Variants in NOX3 observed in about 807,000 individuals in gnomAD.
The protein encoded by NOX3 is NADPH oxidase 3.
NOX3 carries 74 observed loss-of-function variants against 76.7 expected under a neutral mutation model. The observed-to-expected ratio is 0.96, with a 90% confidence interval of 0.80 to 1.17. The LOEUF is 1.17. NOX3 is among the 50% of genes most tolerant of loss of function. The probability of loss-of-function intolerance (pLI) is 0.00; values close to 1 mark genes in which losing one functional copy is unlikely to be tolerated. For missense variants in NOX3, 695 were observed against 703.3 expected (o/e 0.99, Z 0.13); for synonymous variants, 263 against 261.1 (o/e 1.01, Z -0.07).
chr6:155,408,044 T>C (rs940488272), intron 11 of NOX3, among the ~76,000 whole-genome samples: 23 of 152,224 alleles, frequency 1.5e-4, no homozygotes, highest in Admixed American at 5.9e-4. Context: ...AGTGGCGTGA[T>C]CTCGGTTCAC....
At chr6:155,432,297 T>C (rs1321048403) in intron 7 of NOX3, among the ~76,000 whole-genome samples, 3 of 151,896 alleles carry the variant, frequency 2.0e-5, no homozygotes, top group Non-Finnish European at 4.4e-5. Context: ...CTGGAGAGTC[T>C]GAGGTGGACC....
chr6:155,407,439 A>T (rs770911443), intron 11 of NOX3, among the ~76,000 whole-genome samples, 185 bp from the exon 12 acceptor site: 14 of 152,240 alleles, frequency 9.2e-5, no homozygotes, highest in Non-Finnish European at 1.5e-4. Flanking sequence ...TATCTCATTT[A>T]TGTCTGAATC....
intron 4 of NOX3, among the ~76,000 whole-genome samples, chr6:155,450,241 G>T (rs1777116779): frequency 6.6e-6 from 1 of 152,186 alleles, no homozygotes; most frequent in South Asian, 2.1e-4. Flanking sequence ...TGTCTCCAGG[G>T]ATGTGTGAGG....
intron 10 of NOX3, among the ~76,000 whole-genome samples, chr6:155,412,457 A>T (rs1776563575): frequency 6.6e-6 from 1 of 152,232 alleles, no homozygotes; most frequent in Non-Finnish European, 1.5e-5. Flanking sequence ...AATATTAATT[A>T]TTTGTAAGAG....
intron 12 of NOX3, among the ~76,000 whole-genome samples, chr6:155,405,419 C>T (rs1352901951): frequency 6.6e-6 from 1 of 152,178 alleles, no homozygotes; most frequent in East Asian, 1.9e-4. Flanking sequence ...GAACTCTTGT[C>T]CATCTATATC....
At chr6:155,422,171 C>A (rs765800705) in intron 10 of NOX3, among the ~76,000 whole-genome samples, 1 of 151,996 alleles carries the variant, frequency 6.6e-6, no homozygotes, top group Non-Finnish European at 1.5e-5. Flanking sequence ...CGACAAAGGA[C>A]GGAAAGAAAT....
chr6:155,443,215 A>AGGACT, intron 5 of NOX3, 58 bp downstream of exon 5: 1 of 1,547,104 alleles, frequency 6.5e-7, no homozygotes. Flanking sequence ...TCCTGATTAG[A>AGGACT]GGACTGGAAA....
rs367700283 is a variant in NOX3, at chr6:155,422,718, T to C, written c.1284A>G (p.Ala428=). ...LKSIWYKCSE[A]QTPLKLSKVY... ...CCTTGCTCAGCTTCAGTGGGGTCTG[T>C]GCCTCACTGCATTTGTACCATATAG... Residue 428 remains alanine (A), a synonymous_variant, in exon 10 of 14, where the codon GCA becomes GCG. Coordinates refer to ENST00000159060, the MANE Select transcript of NOX3 (RefSeq NM_015718.3). 9.9e-6 allele frequency: 16 copies of C among 1,614,060 alleles called. No individual in the cohort carries two copies. Among genetic ancestry groups the C allele is most frequent in the Non-Finnish European group, 1.4e-5 (16 of 1,180,002 alleles).
chr6:155,396,249 G>A (rs1355595575), intron 13 of NOX3, among the ~76,000 whole-genome samples: 1 of 152,202 alleles, frequency 6.6e-6, no homozygotes, highest in African/African-American at 2.4e-5. Context: ...ACCTCCATTG[G>A]TGATTTCTCC....
intron 10 of NOX3, among the ~76,000 whole-genome samples, chr6:155,414,623 C>CT (rs72348061): frequency 0.02 from 2,280 of 113,562 alleles, 78 homozygotes; most frequent in African/African-American, 0.046. Flanking sequence ...TCTTTTCTTT[C>CT]TTTTTTTTTT....
In NOX3 at chr6:155,454,662, CTG is replaced by C. The variant is rs1343560958; in HGVS notation, c.255+147_255+148del. The C allele has an allele frequency of 3.6e-5, 20 of 561,348 alleles. 1 individual carries two copies. In the Middle Eastern group the frequency reaches 1.8e-3, roughly 50 times the overall value. 34.8% of individuals were successfully genotyped at this position (561,348 alleles called of 1,614,324 possible). The stretch of plus-strand genomic sequence containing the variant: ...GATAGATGTACTGATTACCGTTTTT[CTG>C]TCTTAGCCTTTCTGTTATCTCTAAC... On this transcript the variant is annotated intron_variant, in intron 3 of 13. Transcript: ENST00000159060.
chr6:155,410,802 TA>T (rs1776536272), intron 11 of NOX3, among the ~76,000 whole-genome samples: 1 of 152,192 alleles, frequency 6.6e-6, no homozygotes, highest in South Asian at 2.1e-4. Flanking sequence ...ATGTTGAATG[TA>T]AACACCTAGG....
intron 12 of NOX3, among the ~76,000 whole-genome samples, chr6:155,400,236 G>A (rs1047316326): frequency 2.0e-5 from 3 of 152,116 alleles, no homozygotes; most frequent in Non-Finnish European, 4.4e-5. Context: ...GTGTGGGTGC[G>A]CCCGGGAGTG....
At position 155,440,031 on chromosome 6, in the gene NOX3, G is replaced by C; in HGVS notation, c.593C>G (p.Ala198Gly). 1 of 1,614,004 alleles carries C rather than the reference G, an allele frequency of 6.2e-7. No individual in the cohort carries two copies. Among genetic ancestry groups the C allele is most frequent in the Non-Finnish European group, 8.5e-7 (1 of 1,179,950 alleles). The stretch of plus-strand genomic sequence containing the variant: ...TGTGTACCAGAACAACTCATAGGAG[G>C]CCTGTCTGATGAACTCAGTTGACGA... Reference protein sequence around the residue: ...MTSSTEFIRQASYELFWYTHH... With the variant: ...MTSSTEFIRQGSYELFWYTHH... The change falls in exon 6 of 14, where the codon GCC becomes GGC. Residue 198 changes from alanine (A) to glycine (G), a missense_variant. Ala to Gly is a moderately conservative substitution (Grantham distance 60). Coordinates refer to ENST00000159060, the MANE Select transcript of NOX3 (RefSeq NM_015718.3).
At chr6:155,410,643 C>G (rs1776530097) in intron 11 of NOX3, among the ~76,000 whole-genome samples, 1 of 152,102 alleles carries the variant, frequency 6.6e-6, no homozygotes, top group Non-Finnish European at 1.5e-5. Context: ...CTGCAGAACA[C>G]CTGCCAAAAC....
At chr6:155,429,113 A>C in intron 8 of NOX3, 66 bp from the exon 9 acceptor site, 2 of 1,413,476 alleles carry the variant, frequency 1.4e-6, no homozygotes, top group Admixed American at 2.5e-5. Context: ...CTTTCATTCC[A>C]TCAAAGGTGT....
intron 9 of NOX3, among the ~76,000 whole-genome samples, chr6:155,425,243 A>G (rs1776741793): frequency 6.6e-6 from 1 of 152,184 alleles, no homozygotes. Flanking sequence ...CATAGCTATC[A>G]TGACATCCCA....
rs761833570 is a variant in NOX3, at chr6:155,411,221, TCATCC to T, written c.1443_1447del (p.Trp481Ter). The T allele has an allele frequency of 1.5e-5, 25 of 1,613,712 alleles. No homozygotes were observed. Among genetic ancestry groups the T allele is most frequent in the Non-Finnish European group, 1.9e-5 (23 of 1,179,796 alleles). ...TCAGAGTCTTATCAGTACCTGATTT[TCATCC>T]CAGCCGGTAAGAAATATATGATAAC... is the stretch of plus-strand genomic sequence containing the variant. On this transcript the variant is annotated stop_gained and frameshift_variant, in exon 11 of 14. Coordinates refer to ENST00000159060, the MANE Select transcript of NOX3 (RefSeq NM_015718.3). LOFTEE classifies it high-confidence loss of function.
rs1777173447 is a variant in NOX3 at position 155,453,501 on chromosome 6, A to G, written c.256-13T>C. 2.5e-6 allele frequency: 4 copies of G among 1,592,634 alleles called. No individual in the cohort carries two copies. In the East Asian group the frequency reaches 8.9e-5, roughly 36 times the overall value. On this transcript the variant is annotated splice_polypyrimidine_tract_variant and intron_variant, in intron 3 of 13. Coordinates refer to ENST00000159060, the MANE Select transcript of NOX3 (RefSeq NM_015718.3). ...GTCCTCTGCAGCACTAGAGTAACAAAAAAATATGCCTGATTTATGGAAAAA... is the reference window on the plus strand; with the variant it reads ...GTCCTCTGCAGCACTAGAGTAACAAGAAAATATGCCTGATTTATGGAAAAA...
Sources: allele counts gnomAD v4.1 joint callset (sites outside exome capture counted in the v4.1 genomes callset), GRCh38; gene constraint gnomAD v4.1.1; transcripts MANE v1.5; gene names NCBI Gene and HGNC (gene_info 2026-07-23, HGNC 2026-07-21).